CD101: variants seen among roughly 807,000 people sequenced by gnomAD.
The protein encoded by CD101 is immunoglobulin superfamily member 2.
In CD101, 76 loss-of-function variants were observed where a neutral mutation model predicts 98.2. The ratio of observed to expected loss-of-function variants is 0.77; its 90% confidence interval spans 0.64 to 0.94. The LOEUF (loss-of-function observed/expected upper bound fraction) is 0.94, where lower values mean the gene tolerates loss of function less well. CD101 is among the 40% of genes least tolerant of loss of function. CD101 has a pLI of 0.00. For synonymous variants in CD101, 471 were observed against 472.7 expected, an observed-to-expected ratio of 1.00 and a Z score of 0.05; for missense variants, 1,145 against 1,218.8, an observed-to-expected ratio of 0.94 and a Z score of 0.90.
chr1:117,030,426 A>C (rs892026995), intron 8 of CD101, among the ~76,000 whole-genome samples: 3 of 151,932 alleles, frequency 2.0e-5, no homozygotes, highest in Non-Finnish European at 4.4e-5. Flanking sequence ...AGAGAAAGAG[A>C]CAGAGAAAGA....
chr1:117,033,995 T>C lies in CD101; in HGVS notation c.2960T>C (p.Leu987Pro). 4 of 1,614,144 alleles carry C rather than the reference T, an allele frequency of 2.5e-6. No individual in the cohort carries two copies. Among genetic ancestry groups the C allele is most frequent in the South Asian group, 2.2e-5 (2 of 91,072 alleles). The change falls in exon 9 of 10, where the codon CTG (leucine) becomes CCG (proline). Residue 987 changes from leucine (L) to proline (P), a missense_variant. Physicochemically the swap from Leu to Pro is moderately conservative, Grantham distance 98. Coordinates refer to ENST00000682167, the MANE Select transcript of CD101 (RefSeq NM_001256106.3). This position sits in a 1 kb window ranked among gnomAD's most constrained non-coding sequence, Gnocchi z 4.8. ...TGGAAGGCCAGGAAGTTGTCAACAC[T>C]GCGTTCCAACACACGGAAAGAAAAA... The part of the protein sequence containing the change: ...LYWKARKLST[L>P]RSNTRKEKAL...
chr1:117,029,255 AAGAAAGAAAG>A (rs1372651263), intron 8 of CD101, among the ~76,000 whole-genome samples: 1 of 140,026 alleles, frequency 7.1e-6, no homozygotes, highest in East Asian at 2.0e-4. Flanking sequence ...GAAAGAAAGA[AAGAAAGAAAG>A]AAAGAAAGAG....
In CD101 at chr1:117,011,838, G is replaced by T. The variant is rs774392191; in HGVS notation, c.713G>T (p.Arg238Met). Reference sequence around the variant, plus strand: ...ACTACATTCAGGCTGTCCATAGAGAGGCTCCAGTCCTCAGATCAGGGTCAG... The same window carrying T: ...ACTACATTCAGGCTGTCCATAGAGATGCTCCAGTCCTCAGATCAGGGTCAG... Reference protein sequence around the residue: ...GPTTFRLSIERLQSSDQGQLF... With the variant: ...GPTTFRLSIEMLQSSDQGQLF... Residue 238 changes from arginine (R) to methionine (M), a missense_variant, in exon 3 of 10, where the codon AGG (arginine) becomes ATG (methionine). Coordinates refer to ENST00000682167, the MANE Select transcript of CD101 (RefSeq NM_001256106.3). 2 of 1,614,140 alleles carry T rather than the reference G, an allele frequency of 1.2e-6. No homozygotes were observed. The highest frequency in any genetic ancestry group is 1.7e-6 in the Non-Finnish European group (2 of 1,180,018).
In CD101 at chr1:117,033,892, G is replaced by C. The variant is rs1464469515; in HGVS notation, c.2857G>C (p.Ala953Pro). Residue 953 changes from alanine (A) to proline (P), a missense_variant, in exon 9 of 10, where the codon GCC (alanine) becomes CCC (proline). Physicochemically the swap from Ala to Pro is conservative, Grantham distance 27. Transcript: ENST00000682167. The surrounding 1 kb of genome is among the most constrained non-coding windows in gnomAD (Gnocchi z 4.8). ...GCTTCCTTCCAGGATCTGCTCCTCG[G>C]CCCCTTTACTCTATTTCCTGTTCAT... is the stretch of plus-strand genomic sequence containing the variant. ...PTLPSRICSS[A>P]PLLYFLFICP... The C allele has an allele frequency of 1.2e-6, 2 of 1,614,090 alleles. No individual in the cohort carries two copies. The highest frequency in any genetic ancestry group is 2.2e-5 in the East Asian group (1 of 44,892).
At position 117,005,320 on chromosome 1, in the gene CD101, C is replaced by G. The variant is rs151073715; in HGVS notation, c.43+3460C>G. 1.8e-4 allele frequency among the ~76,000 whole-genome samples: 27 copies of G among 152,240 alleles called. No homozygotes were observed. The East Asian group carries it at 5.2e-3, about 29-fold the overall frequency. ...AGCTGCCATCCTAATCTTCATTTTT[C>G]CTTCTCCATGAAACTCCTGGAAGTA... On this transcript the variant is annotated intron_variant, in intron 1 of 9. Transcript: ENST00000682167. This position sits in a 1 kb window ranked among gnomAD's most constrained non-coding sequence, Gnocchi z 4.4.
rs777689602 is a variant in CD101 at position 117,013,371 on chromosome 1, G to A, written c.842-35G>A. On this transcript the variant is annotated intron_variant, in intron 3 of 9. Transcript: ENST00000682167. Reference sequence around the variant, plus strand: ...GGTACTGAAAGGACAGAGGCTGTGGGCTCTCTAAATACCTGCCTTGCTTTT... The same window carrying A: ...GGTACTGAAAGGACAGAGGCTGTGGACTCTCTAAATACCTGCCTTGCTTTT... 3.2e-6 allele frequency: 5 copies of A among 1,569,438 alleles called. No homozygotes were observed. In the South Asian group the frequency reaches 4.8e-5, roughly 15 times the overall value.
intron 7 of CD101, among the ~76,000 whole-genome samples, chr1:117,024,731 A>C (rs2101144306): frequency 6.6e-6 from 1 of 152,318 alleles, no homozygotes; most frequent in Middle Eastern, 3.4e-3. Context: ...CAAAATGTTC[A>C]GTCTCTTGGA....
chr1:117,029,240 A>AG (rs1557779233), intron 8 of CD101, among the ~76,000 whole-genome samples: 43 of 145,018 alleles, frequency 3.0e-4, no homozygotes, highest in Non-Finnish European at 4.5e-4. Context: ...AAAGAAAGAA[A>AG]GAAAGAAAGA....
chr1:117,017,220 C>T lies in CD101; in HGVS notation c.1359C>T (p.Asp453=), dbSNP rs372334456. 4 of 1,614,152 alleles carry T rather than the reference C, an allele frequency of 2.5e-6. No individual in the cohort carries two copies. The highest frequency in any genetic ancestry group is 3.4e-6 in the Non-Finnish European group (4 of 1,180,024). The part of the protein sequence containing the change: ...LSVSWWHIPR[D]QTQPEFVAGM... Reference sequence around the variant, plus strand: ...TGAGCTGGTGGCACATCCCACGGGACCAGACACAGCCCGAGTTTGTGGCTG... The same window carrying T: ...TGAGCTGGTGGCACATCCCACGGGATCAGACACAGCCCGAGTTTGTGGCTG... The change falls in exon 5 of 10, where the codon GAC becomes GAT. Residue 453 remains aspartate (D), a synonymous_variant. Transcript: ENST00000682167.
intron 7 of CD101, among the ~76,000 whole-genome samples, chr1:117,024,593 G>T (rs1653788601): frequency 6.6e-6 from 1 of 152,130 alleles, no homozygotes; most frequent in African/African-American, 2.4e-5. Flanking sequence ...TAACTACTTT[G>T]GCTGTTATTC....
intron 1 of CD101, 110 bp downstream of exon 1, chr1:117,001,970 A>G: frequency 1.0e-6 from 1 of 983,898 alleles, no homozygotes; most frequent in Non-Finnish European, 1.6e-6. Context: ...TATGCCATAT[A>G]TTTCTGATGT....
intron 4 of CD101, among the ~76,000 whole-genome samples, chr1:117,015,949 G>A (rs1653180252): frequency 6.6e-6 from 1 of 152,178 alleles, no homozygotes; most frequent in Non-Finnish European, 1.5e-5. Context: ...ATCTCCTGCT[G>A]TATCTCTACA....
intron 8 of CD101, among the ~76,000 whole-genome samples, chr1:117,031,463 T>A (rs568315626): frequency 9.2e-5 from 14 of 152,162 alleles, no homozygotes; most frequent in Non-Finnish European, 2.1e-4. Flanking sequence ...AAGTAATCAT[T>A]TCAGTCTTTG....
intron 8 of CD101, among the ~76,000 whole-genome samples, chr1:117,029,143 GA>G (rs1212645822): frequency 1.2e-5 from 1 of 81,438 alleles, no homozygotes; most frequent in Non-Finnish European, 2.5e-5. Flanking sequence ...AAGAAAGAAA[GA>G]AAGAAAGAAA....
intron 7 of CD101, 149 bp from the exon 8 acceptor site, chr1:117,025,360 C>A: frequency 1.5e-6 from 1 of 653,182 alleles, no homozygotes; most frequent in Non-Finnish European, 2.3e-6. Flanking sequence ...AAGACTCTGT[C>A]TCAAAAAATA....
chr1:117,015,366 T>C (rs1318944702), intron 4 of CD101, among the ~76,000 whole-genome samples: 4 of 152,090 alleles, frequency 2.6e-5, no homozygotes, highest in African/African-American at 9.7e-5. Context: ...AAAAAAAAAA[T>C]CATTAGTTTA....
In CD101 at chr1:117,011,919, T is replaced by A; in HGVS notation, c.794T>A (p.Ile265Asn). The A allele has an allele frequency of 6.2e-7, 1 of 1,614,076 alleles. No homozygotes were observed. The highest frequency in any genetic ancestry group is 8.5e-7 in the Non-Finnish European group (1 of 1,180,008). The change falls in exon 3 of 10, where the codon ATC becomes AAC. Residue 265 changes from isoleucine (I) to asparagine (N), a missense_variant. Coordinates refer to ENST00000682167, the MANE Select transcript of CD101 (RefSeq NM_001256106.3). ...GATCCAGATGAAACTTGGATGTTCA[T>A]CACCAAAAAGCAGACCGATCAAACC... is the stretch of plus-strand genomic sequence containing the variant. ...IQDPDETWMF[I>N]TKKQTDQTTL... is the part of the protein sequence containing the mutation.
rs761045727 is a variant in CD101, at chr1:117,011,535, T to C, written c.425-15T>C. The C allele has an allele frequency of 3.7e-6, 6 of 1,604,918 alleles. No homozygotes were observed. In the African/African-American group the frequency reaches 6.7e-5, roughly 18 times the overall value. On this transcript the variant is annotated splice_polypyrimidine_tract_variant and intron_variant, in intron 2 of 9. Coordinates refer to ENST00000682167, the MANE Select transcript of CD101 (RefSeq NM_001256106.3). ...CACTGGGCCAGTCACATTATTATCATTCCTTTGTTTCCAGTTATTCCAGAT... is the reference window on the plus strand; with the variant it reads ...CACTGGGCCAGTCACATTATTATCACTCCTTTGTTTCCAGTTATTCCAGAT...
At position 117,036,337 on chromosome 1, in the gene CD101, G is replaced by T. The variant is rs969695940; in HGVS notation, c.*203G>T. The T allele has an allele frequency of 6.6e-6, 1 of 152,140 alleles. No homozygotes were observed. Among genetic ancestry groups the T allele is most frequent in the Non-Finnish European group, 1.5e-5 (1 of 68,126 alleles). The allele number at this position is 152,140 out of a possible 1,614,324, so 9.4% of individuals were successfully genotyped here. ...CAGGGGGAGCTATAGCTTCATGACC[G>T]TAACATGTGACCTGTGTGCTGGCAG... On this transcript the variant is annotated 3_prime_UTR_variant, in exon 10 of 10. Transcript: ENST00000682167. The surrounding 1 kb of genome is among the most constrained non-coding windows in gnomAD (Gnocchi z 5.0).
Sources: allele counts gnomAD v4.1 joint callset (sites outside exome capture counted in the v4.1 genomes callset), GRCh38; gene constraint gnomAD v4.1.1; non-coding constraint Gnocchi (gnomAD v3.1); transcripts MANE v1.5; gene names NCBI Gene and HGNC (gene_info 2026-07-23, HGNC 2026-07-21).